The following SPICE1 variants were observed in gnomAD, a reference collection of about 807,000 sequenced individuals.
SPICE1 encodes the protein spindle and centriole associated protein 1, also known as spindle and centriole-associated protein 1.
In SPICE1, 75 loss-of-function variants were observed where a neutral mutation model predicts 102.7. That is an observed-to-expected ratio of 0.73 (90% CI 0.61 to 0.88). The LOEUF is 0.88. Among genes scored for constraint, SPICE1 ranks in the 40% least tolerant of loss-of-function variants. SPICE1 has a pLI of 0.00. For missense variants in SPICE1, 979 were observed against 1,020.1 expected, an observed-to-expected ratio of 0.96 and a Z score of 0.55; for synonymous variants, 308 against 350.3, an observed-to-expected ratio of 0.88 and a Z score of 1.35.
intron 7 of SPICE1, among the ~76,000 whole-genome samples, chr3:113,471,965 C>T (rs559544841): frequency 1.2e-4 from 18 of 152,232 alleles, no homozygotes; most frequent in African/African-American, 3.6e-4. Flanking sequence ...GTGCACCGTG[C>T]GCGAGCCGAA....
At chr3:113,478,217 G>A (rs1443285331) in intron 7 of SPICE1, among the ~76,000 whole-genome samples, 1 of 152,044 alleles carries the variant, frequency 6.6e-6, no homozygotes, top group Non-Finnish European at 1.5e-5. Context: ...AAACATATCA[G>A]TAAGTGTTAT....
chr3:113,471,724 G>A (rs1576631173), intron 7 of SPICE1, among the ~76,000 whole-genome samples: 1 of 152,140 alleles, frequency 6.6e-6, no homozygotes, highest in Non-Finnish European at 1.5e-5. Flanking sequence ...TGGGAAGGAT[G>A]GAGAGAAAAT....
At chr3:113,511,227 A>C (rs1249412402) in intron 1 of SPICE1, among the ~76,000 whole-genome samples, 1 of 152,228 alleles carries the variant, frequency 6.6e-6, no homozygotes, top group Non-Finnish European at 1.5e-5. Flanking sequence ...CTAGAACCAG[A>C]AATACCATTT....
chr3:113,468,497 A>G, intron 9 of SPICE1, 93 bp from the exon 10 acceptor site: 1 of 1,414,696 alleles, frequency 7.1e-7, no homozygotes, highest in Non-Finnish European at 9.6e-7. Context: ...TTCACAATTT[A>G]TAAAAGGCTT....
At chr3:113,480,221 C>T (rs887750537) in intron 7 of SPICE1, among the ~76,000 whole-genome samples, 11 of 150,600 alleles carry the variant, frequency 7.3e-5, no homozygotes, top group African/African-American at 2.7e-4. Context: ...GGCACTTCCC[C>T]ACAGAAAAAA....
intron 2 of SPICE1, among the ~76,000 whole-genome samples, chr3:113,505,008 T>C (rs1256948123): frequency 1.3e-5 from 2 of 152,206 alleles, no homozygotes; most frequent in African/African-American, 4.8e-5. Context: ...TTTTAAGCAA[T>C]AGTGGCATAT....
intron 11 of SPICE1, among the ~76,000 whole-genome samples, chr3:113,461,097 T>G (rs961943589): frequency 4.6e-5 from 7 of 152,012 alleles, no homozygotes; most frequent in Non-Finnish European, 1.0e-4. Context: ...CATATAGATG[T>G]TTCAACTAAC....
chr3:113,499,627 A>G, intron 3 of SPICE1, 45 bp from the exon 4 acceptor site: 2 of 1,514,822 alleles, frequency 1.3e-6, no homozygotes, highest in Non-Finnish European at 8.8e-7. Flanking sequence ...TCAGACACAA[A>G]GAAGTTGCCT....
chr3:113,512,110 T>C (rs1216542983), intron 1 of SPICE1, among the ~76,000 whole-genome samples: 2 of 152,228 alleles, frequency 1.3e-5, no homozygotes, highest in Non-Finnish European at 2.9e-5. Context: ...GATTACAGCT[T>C]TGGAAGACCC....
intron 6 of SPICE1, among the ~76,000 whole-genome samples, chr3:113,489,932 C>G (rs867123633): frequency 6.6e-6 from 1 of 150,948 alleles, no homozygotes; most frequent in African/African-American, 2.4e-5. Flanking sequence ...TTCTCCTACT[C>G]TTCTGGCCAT....
chr3:113,500,315 T>G (rs183375131), intron 3 of SPICE1, among the ~76,000 whole-genome samples: 1 of 152,304 alleles, frequency 6.6e-6, no homozygotes, highest in Admixed American at 6.5e-5. Flanking sequence ...AATGTACTAC[T>G]GAGTTTTCAC....
At chr3:113,495,524 T>C (rs1936863461) in intron 4 of SPICE1, among the ~76,000 whole-genome samples, 1 of 152,144 alleles carries the variant, frequency 6.6e-6, no homozygotes, top group South Asian at 2.1e-4. Context: ...CAAGAGCACA[T>C]CAGACCCAGA....
intron 13 of SPICE1, among the ~76,000 whole-genome samples, chr3:113,454,293 G>A (rs1187597143): frequency 6.6e-6 from 1 of 152,114 alleles, no homozygotes; most frequent in Non-Finnish European, 1.5e-5. Flanking sequence ...ACCAGGAAAG[G>A]CCTCTCTGAG....
chr3:113,492,644 CA>C (rs2107494333), intron 6 of SPICE1, among the ~76,000 whole-genome samples: 1 of 151,952 alleles, frequency 6.6e-6, no homozygotes, highest in South Asian at 2.1e-4. Flanking sequence ...GGTATTATAC[CA>C]GGAATTTTAC....
At chr3:113,510,129 AC>A (rs1937190054) in intron 1 of SPICE1, among the ~76,000 whole-genome samples, 1 of 152,246 alleles carries the variant, frequency 6.6e-6, no homozygotes, top group Non-Finnish European at 1.5e-5. Context: ...ACAACAATTA[AC>A]CCTTTTCCCA....
chr3:113,483,358 C>G (rs565474044), intron 7 of SPICE1, among the ~76,000 whole-genome samples: 1 of 152,282 alleles, frequency 6.6e-6, no homozygotes, highest in East Asian at 1.9e-4. Context: ...CAAACAGAGA[C>G]AGTTTGACTT....
At chr3:113,475,437 G>A (rs565770281) in intron 7 of SPICE1, among the ~76,000 whole-genome samples, 1 of 151,928 alleles carries the variant, frequency 6.6e-6, no homozygotes, top group Non-Finnish European at 1.5e-5. Context: ...CATTTTATGA[G>A]GCCAGCATCA....
Position 113,484,913 on chromosome 3 carries a change from T to C in SPICE1, c.611+4032A>G, listed in dbSNP as rs540264776. On this transcript the variant is annotated intron_variant, in intron 7 of 17. Coordinates refer to ENST00000295872, the MANE Select transcript of SPICE1 (RefSeq NM_144718.4). ...TCCAGAGCTGAGTTCAAGTCCTGAA[T>C]ATCCTTTTTAATTTTCTGTCTCATC... 9.2e-5 allele frequency among the ~76,000 whole-genome samples: 14 copies of C among 152,266 alleles called. No homozygotes were observed. The South Asian group carries it at 2.7e-3, about 29-fold the overall frequency.
rs180931695 is a variant in SPICE1 at position 113,483,006 on chromosome 3, T to C, written c.611+5939A>G. 4.7e-3 allele frequency among the ~76,000 whole-genome samples: 715 copies of C among 152,356 alleles called. 7 individuals are homozygous for C. The highest frequency in any genetic ancestry group is 0.016 in the African/African-American group (678 of 41,592). On this transcript the variant is annotated intron_variant, in intron 7 of 17. Transcript: ENST00000295872. ...TAAATTACTTTGGGCAGTATGGCCA[T>C]TTTCATGATATTGAGTCTTCCTATC...
Sources: gnomAD v4.1 joint callset for allele counts (sites outside exome capture counted in the v4.1 genomes callset) on GRCh38, gnomAD v4.1.1 for gene constraint, MANE v1.5 for transcripts, NCBI Gene and HGNC (gene_info 2026-07-23, HGNC 2026-07-21) for gene names.